The following CREB3L2 variants were observed in gnomAD, a reference collection of about 807,000 sequenced individuals.
CREB3L2 encodes cAMP responsive element binding protein 3 like 2.
CREB3L2 carries 23 observed loss-of-function variants against 57.2 expected under a neutral mutation model. The ratio of observed to expected loss-of-function variants is 0.40; its 90% CI spans 0.29 to 0.57. CREB3L2 has a LOEUF of 0.57. Ranked by LOEUF, CREB3L2 falls within the 20% of genes least tolerant of loss-of-function variation. The pLI, the probability that CREB3L2 is intolerant of heterozygous loss-of-function variation, is 0.42. For missense variants in CREB3L2, 628 were observed against 634.7 expected (o/e 0.99, Z 0.11); for synonymous variants, 268 against 265.1 (o/e 1.01, Z -0.11).
At position 137,980,366 on chromosome 7, in the gene CREB3L2, C is replaced by G. The variant is rs1341416696; in HGVS notation, c.102+21238G>C. Among the ~76,000 whole-genome samples the G allele has an allele frequency of 6.6e-6, 1 of 152,206 alleles. No homozygotes were observed. The highest frequency in any genetic ancestry group is 2.4e-5 in the African/African-American group (1 of 41,454). On this transcript the variant is annotated intron_variant, in intron 1 of 11. Transcript: ENST00000330387. This position sits in a 1 kb window ranked among gnomAD's most constrained non-coding sequence, Gnocchi z 4.3. ...GCAGCCAAGACTGAGACTCTTTGCT[C>G]TAGACCGTGGGGATGGGCAGAGCAG...
chr7:137,919,263 C>G (rs1270637707), intron 2 of CREB3L2, among the ~76,000 whole-genome samples: 1 of 151,574 alleles, frequency 6.6e-6, no homozygotes, highest in African/African-American at 2.4e-5. Flanking sequence ...CCTCCACCTC[C>G]TGGGTTCAAG....
At chr7:137,888,278 A>G (rs560012686) in intron 8 of CREB3L2, among the ~76,000 whole-genome samples, 1 of 152,260 alleles carries the variant, frequency 6.6e-6, no homozygotes, top group Non-Finnish European at 1.5e-5. Context: ...TTTTCTTTAA[A>G]AGCATTTTGT....
Position 137,885,431 on chromosome 7 carries a change from G to A in CREB3L2, c.1115C>T (p.Ala372Val). 1 of 1,614,176 alleles carries A rather than the reference G, an allele frequency of 6.2e-7. No homozygotes were observed. The highest frequency in any genetic ancestry group is 8.5e-7 in the Non-Finnish European group (1 of 1,179,994). The change falls in exon 9 of 12, where the codon GCT (alanine) becomes GTT (valine). Residue 372 changes from alanine (A) to valine (V), a missense_variant. By Grantham distance (64) the Ala-to-Val change is moderately conservative. Around this residue, in one of 3 missense-constraint regions of CREB3L2, gnomAD observed 272 missense variants for 242.7 expected, o/e 1.12. Transcript: ENST00000330387. The part of the protein sequence containing the change: ...MGKVSRTCKL[A>V]GTQTGTCLMV... Reference sequence around the variant, plus strand: ...GAGGCAGGTGCCAGTCTGCGTGCCAGCTAACTTGCAGGTTCGAGAAACCTT... The same window carrying A: ...GAGGCAGGTGCCAGTCTGCGTGCCAACTAACTTGCAGGTTCGAGAAACCTT...
intron 1 of CREB3L2, among the ~76,000 whole-genome samples, chr7:137,994,575 T>A: frequency 6.6e-6 from 1 of 152,162 alleles, no homozygotes; most frequent in East Asian, 1.9e-4. Flanking sequence ...AGCCTTTCCC[T>A]GCACTTTCAA....
intron 1 of CREB3L2, among the ~76,000 whole-genome samples, chr7:137,945,782 T>A (rs1359233999): frequency 6.6e-6 from 1 of 152,178 alleles, no homozygotes; most frequent in African/African-American, 2.4e-5. Context: ...GGAAAGGAGC[T>A]CCTCTTTATT....
intron 1 of CREB3L2, among the ~76,000 whole-genome samples, chr7:137,977,713 G>A (rs560942419): frequency 6.6e-6 from 1 of 152,270 alleles, no homozygotes; most frequent in East Asian, 1.9e-4. Flanking sequence ...TTGAAGTCAG[G>A]AGTTCGAGGC....
intron 5 of CREB3L2, among the ~76,000 whole-genome samples, chr7:137,906,079 A>G (rs1003550017): frequency 2.6e-5 from 4 of 152,188 alleles, no homozygotes; most frequent in Admixed American, 2.6e-4. Context: ...AAGGGAAAGA[A>G]TAAAGAAGCC....
chr7:137,934,529 T>C (rs273981), intron 1 of CREB3L2, among the ~76,000 whole-genome samples: 68,652 of 152,056 alleles, frequency 0.45, 16,260 homozygotes, highest in East Asian at 0.78. Flanking sequence ...GTGAAACTGA[T>C]ATTCTAGCCC....
At chr7:137,917,164 C>G (rs1413965515) in intron 2 of CREB3L2, among the ~76,000 whole-genome samples, 16 of 152,314 alleles carry the variant, frequency 1.1e-4, no homozygotes, top group Admixed American at 4.6e-4. Context: ...TCCTGATTAT[C>G]ACCAGGCCTG....
At chr7:137,977,226 G>A (rs1002496212) in intron 1 of CREB3L2, among the ~76,000 whole-genome samples, 1 of 152,172 alleles carries the variant, frequency 6.6e-6, no homozygotes, top group Non-Finnish European at 1.5e-5. Flanking sequence ...CCAGCAAAAG[G>A]AAGAAAGTGG....
chr7:137,929,882 A>AAATT lies in CREB3L2; in HGVS notation c.103-1520_103-1517dup, dbSNP rs923114765. 6.2e-5 allele frequency among the ~76,000 whole-genome samples: 9 copies of AAATT among 145,300 alleles called. No homozygotes were observed. In the South Asian group the frequency reaches 1.4e-3, roughly 22 times the overall value. On this transcript the variant is annotated intron_variant, in intron 1 of 11. Transcript: ENST00000330387. Reference sequence around the variant, plus strand: ...AGACTCCATCTCAAAATAAATAAATAAATTAATTAATTAATTAAAATAATT... The same window carrying AAATT: ...AGACTCCATCTCAAAATAAATAAATAAATTAATTAATTAATTAATTAAAATAATT...
chr7:137,917,078 T>A (rs951634321), intron 2 of CREB3L2, among the ~76,000 whole-genome samples: 2 of 152,174 alleles, frequency 1.3e-5, no homozygotes, highest in Non-Finnish European at 2.9e-5. Flanking sequence ...GTAATAACCA[T>A]CTGCCCTTTG....
At chr7:137,937,591 A>T (rs1175318965) in intron 1 of CREB3L2, among the ~76,000 whole-genome samples, 1 of 152,244 alleles carries the variant, frequency 6.6e-6, no homozygotes, top group Non-Finnish European at 1.5e-5. Flanking sequence ...ACTCCATTAC[A>T]GTGAAATTTC....
chr7:137,922,600 CACAT>C (rs1176823083), intron 2 of CREB3L2: 1 of 438,244 alleles, frequency 2.3e-6, no homozygotes, highest in Non-Finnish European at 4.6e-6. Context: ...ATGAGAAAAA[CACAT>C]ACGCAGTTGG....
In CREB3L2 at chr7:137,928,341, A is replaced by G. The variant is rs1428039200; in HGVS notation, c.128T>C (p.Phe43Ser). The G allele has an allele frequency of 6.2e-7, 1 of 1,614,106 alleles. No individual in the cohort carries two copies. ...HTHFSELLDE[F>S]SQNVLGQLLN... is the part of the protein sequence containing the mutation. ...GAGCTGACCCAAGACGTTCTGGGAAAACTCATCCAGAAGTTCTGAGAAGTG... is the reference window on the plus strand; with the variant it reads ...GAGCTGACCCAAGACGTTCTGGGAAGACTCATCCAGAAGTTCTGAGAAGTG... The change falls in exon 2 of 12, where the codon TTT (phenylalanine) becomes TCT (serine). Residue 43 changes from phenylalanine (F) to serine (S), a missense_variant. By Grantham distance (155) the Phe-to-Ser change is radical. Coordinates refer to ENST00000330387, the MANE Select transcript of CREB3L2 (RefSeq NM_194071.4).
chr7:137,997,211 A>G (rs1802001330), intron 1 of CREB3L2, among the ~76,000 whole-genome samples: 1 of 152,142 alleles, frequency 6.6e-6, no homozygotes, highest in East Asian at 1.9e-4. Flanking sequence ...TGGTGCCTAC[A>G]AGTTGTATTT....
intron 5 of CREB3L2, among the ~76,000 whole-genome samples, chr7:137,906,118 T>G (rs273966): frequency 6.6e-6 from 1 of 152,014 alleles, no homozygotes; most frequent in Non-Finnish European, 1.5e-5. Context: ...GGAAGCACCC[T>G]ACTCGCTAAA....
intron 1 of CREB3L2, among the ~76,000 whole-genome samples, chr7:137,995,961 C>A (rs1032672780): frequency 6.6e-6 from 1 of 152,134 alleles, no homozygotes; most frequent in African/African-American, 2.4e-5. Flanking sequence ...TAAAATAATC[C>A]GTCAAAGATT....
At chr7:137,974,606 G>C (rs1585670367) in intron 1 of CREB3L2, among the ~76,000 whole-genome samples, 1 of 152,268 alleles carries the variant, frequency 6.6e-6, no homozygotes, top group South Asian at 2.1e-4. Context: ...GTTGTTAATA[G>C]GCTACTGCAA....
Sources: allele counts gnomAD v4.1 joint callset (sites outside exome capture counted in the v4.1 genomes callset), GRCh38; gene constraint gnomAD v4.1.1; regional missense constraint gnomAD v4.1.1; non-coding constraint Gnocchi (gnomAD v3.1); transcripts MANE v1.5; gene names NCBI Gene and HGNC (gene_info 2026-07-23, HGNC 2026-07-21).